Variants in CALCR observed in about 807,000 individuals in gnomAD.
CALCR encodes calcitonin receptor.
CALCR carries 47 observed loss-of-function variants against 59.5 expected under a neutral mutation model. The ratio of observed to expected loss-of-function variants is 0.79; its 90% CI spans 0.63 to 1.01. The LOEUF (loss-of-function observed/expected upper bound fraction) is 1.01. Ranked by LOEUF, CALCR falls within the 50% of genes least tolerant of loss-of-function variation. The probability of loss-of-function intolerance (pLI) is 0.00; values close to 1 mark genes in which losing one functional copy is unlikely to be tolerated. For synonymous variants in CALCR, 213 were observed against 211.3 expected (o/e 1.01, Z -0.07); for missense variants, 566 against 597.1 (o/e 0.95, Z 0.54).
At chr7:93,569,195 GC>G (rs577696811) in intron 2 of CALCR, among the ~76,000 whole-genome samples, 8 of 150,546 alleles carry the variant, frequency 5.3e-5, no homozygotes, top group Non-Finnish European at 1.2e-4. Flanking sequence ...AATCTAATAT[GC>G]CTCTTATTTT....
chr7:93,492,092 T>A (rs7806076), intron 2 of CALCR, among the ~76,000 whole-genome samples: 4,119 of 151,360 alleles, frequency 0.027, 209 homozygotes, highest in African/African-American at 0.095. Flanking sequence ...TGAGCTCATA[T>A]CCCTGCAAAG....
intron 2 of CALCR, among the ~76,000 whole-genome samples, chr7:93,506,896 C>A (rs1168712855): frequency 6.6e-6 from 1 of 152,082 alleles, no homozygotes; most frequent in Non-Finnish European, 1.5e-5. Flanking sequence ...TCATTCGATT[C>A]TCATAATAAT....
chr7:93,495,796 T>C (rs1801188138), intron 2 of CALCR: 3 of 976,600 alleles, frequency 3.1e-6, no homozygotes, highest in Non-Finnish European at 4.6e-6. Flanking sequence ...AAAATCTGAT[T>C]GTTGTGGCTG....
At chr7:93,482,857 A>G (rs1483151922) in intron 3 of CALCR, 3 of 533,332 alleles carry the variant, frequency 5.6e-6, no homozygotes, top group Non-Finnish European at 1.2e-5. Context: ...AGGAATGAAA[A>G]ATTAGAACCT....
chr7:93,533,761 G>C (rs1788910313), intron 2 of CALCR, among the ~76,000 whole-genome samples: 1 of 151,722 alleles, frequency 6.6e-6, no homozygotes. Context: ...AACCTAAAAA[G>C]TGTCAATGTT....
intron 2 of CALCR, among the ~76,000 whole-genome samples, chr7:93,506,429 C>CTT (rs1184777077): frequency 6.6e-6 from 1 of 152,190 alleles, no homozygotes; most frequent in East Asian, 1.9e-4. Context: ...CTCACAGTGA[C>CTT]TTTAAGAGCA....
At chr7:93,465,710 T>C (rs994997420) in intron 7 of CALCR, among the ~76,000 whole-genome samples, 3 of 151,938 alleles carry the variant, frequency 2.0e-5, no homozygotes, top group African/African-American at 7.2e-5. Flanking sequence ...TATGTACATT[T>C]ATACATTAAT....
chr7:93,538,467 T>C (rs1414290317), intron 2 of CALCR, among the ~76,000 whole-genome samples: 4 of 152,050 alleles, frequency 2.6e-5, no homozygotes, highest in African/African-American at 9.7e-5. Flanking sequence ...ATCATCTTTT[T>C]AATATCACTG....
intron 2 of CALCR, among the ~76,000 whole-genome samples, chr7:93,536,576 G>A (rs1788994561): frequency 6.6e-6 from 1 of 151,586 alleles, no homozygotes; most frequent in South Asian, 2.1e-4. Context: ...TTTAAGTTTA[G>A]GGTACATGTG....
In CALCR at chr7:93,440,545, C is replaced by CTG. The variant is rs71528068; in HGVS notation, c.803-2277_803-2276dup. Reference sequence around the variant, plus strand: ...TGGTGGAATTTTGGTGTGTGTGTGTCTGTGTGTGTGTGTGTGTGCATGTAG... The same window carrying CTG: ...TGGTGGAATTTTGGTGTGTGTGTGTCTGTGTGTGTGTGTGTGTGTGCATGTAG... On this transcript the variant is annotated intron_variant, in intron 9 of 13. Coordinates refer to ENST00000426151, the MANE Select transcript of CALCR (RefSeq NM_001742.4). Among the ~76,000 whole-genome samples, 111 of 150,012 alleles carry CTG rather than the reference C, an allele frequency of 7.4e-4. 1 individual carries two copies. The highest frequency in any genetic ancestry group is 2.3e-3 in the South Asian group (11 of 4,776).
intron 8 of CALCR, among the ~76,000 whole-genome samples, chr7:93,451,485 C>T (rs1159960654): frequency 6.6e-6 from 1 of 151,964 alleles, no homozygotes; most frequent in Admixed American, 6.6e-5. Context: ...TAAGTTTTGT[C>T]TGAATCAAAT....
chr7:93,446,356 T>C (rs974132723), intron 8 of CALCR, among the ~76,000 whole-genome samples: 1 of 152,044 alleles, frequency 6.6e-6, no homozygotes, highest in Non-Finnish European at 1.5e-5. Flanking sequence ...CGGTGTTTCA[T>C]AACTAAGGTG....
chr7:93,448,318 T>A (rs972537882), intron 8 of CALCR, among the ~76,000 whole-genome samples: 25 of 152,000 alleles, frequency 1.6e-4, no homozygotes, highest in African/African-American at 5.8e-4. Flanking sequence ...TTGTGAGATG[T>A]TTTAGTTTTG....
At chr7:93,471,751 G>T (rs1800558028) in intron 6 of CALCR, among the ~76,000 whole-genome samples, 1 of 151,726 alleles carries the variant, frequency 6.6e-6, no homozygotes, top group African/African-American at 2.4e-5. Context: ...GAGGAAGAAA[G>T]ATCATCTGTT....
At position 93,513,264 on chromosome 7, in the gene CALCR, GA is replaced by G. The variant is rs547462551; in HGVS notation, c.-26-26258del. Among the ~76,000 whole-genome samples, 1,075 of 151,794 alleles carry G rather than the reference GA, an allele frequency of 7.1e-3. 7 individuals carry two copies. Among genetic ancestry groups the G allele is most frequent in the African/African-American group, 0.024 (1,004 of 41,456 alleles). On this transcript the variant is annotated intron_variant, in intron 2 of 13. Coordinates refer to ENST00000426151, the MANE Select transcript of CALCR (RefSeq NM_001742.4). ...GCCCCAAATGTTCCACATAGAATGT[GA>G]AAAAAAATTATTTTAAAGGAAGATC...
intron 13 of CALCR, 37 bp from the exon 14 acceptor site, chr7:93,426,626 G>A: frequency 1.9e-6 from 2 of 1,075,146 alleles, no homozygotes; most frequent in South Asian, 2.8e-5. Context: ...TTATATGATA[G>A]TCAGAAATGA....
At chr7:93,489,442 C>CA (rs1474848156) in intron 2 of CALCR, among the ~76,000 whole-genome samples, 1 of 151,034 alleles carries the variant, frequency 6.6e-6, no homozygotes, top group Admixed American at 6.6e-5. Context: ...CATAGAAACC[C>CA]AAAAAACCCT....
Position 93,472,457 on chromosome 7 carries a change from C to T in CALCR, c.347G>A (p.Gly116Asp), listed in dbSNP as rs1183893135. The T allele has an allele frequency of 1.2e-6, 2 of 1,607,396 alleles. No homozygotes were observed. Among genetic ancestry groups the T allele is most frequent in the Admixed American group, 1.7e-5 (1 of 59,696 alleles). ...GTTTTCAGGATGTTTAAACCAAACA[C>T]CTTTTTCATCACAGTATTTTGTAAC... Reference protein sequence around the residue: ...EKVTKYCDEKGVWFKHPENNR... With the variant: ...EKVTKYCDEKDVWFKHPENNR... The change falls in exon 6 of 14, where the codon GGT (glycine) becomes GAT (aspartate). Residue 116 changes from glycine (G) to aspartate (D), a missense_variant. Physicochemically the swap from Gly to Asp is moderately conservative, Grantham distance 94. Coordinates refer to ENST00000426151, the MANE Select transcript of CALCR (RefSeq NM_001742.4).
chr7:93,561,407 C>A (rs1462214314), intron 2 of CALCR, among the ~76,000 whole-genome samples: 1 of 152,158 alleles, frequency 6.6e-6, no homozygotes, highest in African/African-American at 2.4e-5. Flanking sequence ...TGGGTACCAC[C>A]CTTCATTCCC....
Sources: allele counts gnomAD v4.1 joint callset (sites outside exome capture counted in the v4.1 genomes callset), GRCh38; gene constraint gnomAD v4.1.1; transcripts MANE v1.5; gene names NCBI Gene and HGNC (gene_info 2026-07-23, HGNC 2026-07-21).